STX8: variants seen among roughly 807,000 people sequenced by gnomAD.
STX8 encodes the protein syntaxin 8, also known as syntaxin-8.
A neutral mutation model predicts 37.5 loss-of-function variants in STX8; 23 were observed. That is an observed-to-expected ratio of 0.61 (90% CI 0.44 to 0.87). The LOEUF (loss-of-function observed/expected upper bound fraction) is 0.87. Ranked by LOEUF, STX8 falls within the 40% of genes least tolerant of loss-of-function variation. The pLI is 0.00. For missense variants in STX8, 313 were observed against 284.7 expected, an observed-to-expected ratio of 1.10 and a Z score of -0.71; for synonymous variants, 115 against 99.1, an observed-to-expected ratio of 1.16 and a Z score of -0.95.
At chr17:9,539,371 CTCTAGGAAGGGAGGCTCACCAGGT>C (rs1302325170) in intron 4 of STX8, among the ~76,000 whole-genome samples, 2 of 152,110 alleles carry the variant, frequency 1.3e-5, no homozygotes, top group African/African-American at 4.8e-5. Flanking sequence ...GAGGTAGGGG[CTCTAGGAAGGGAGGCTCACCAGGT>C]TCCAAGCGAG....
At chr17:9,286,360 T>C (rs925156465) in intron 7 of STX8, among the ~76,000 whole-genome samples, 1 of 152,240 alleles carries the variant, frequency 6.6e-6, no homozygotes, top group African/African-American at 2.4e-5. Flanking sequence ...ATTTTGGCTT[T>C]GGGAGACAAC....
At chr17:9,566,490 A>C (rs1458318464) in intron 2 of STX8, among the ~76,000 whole-genome samples, 1 of 152,204 alleles carries the variant, frequency 6.6e-6, no homozygotes, top group Non-Finnish European at 1.5e-5. Context: ...TTCTTCCATA[A>C]AGACACATGC....
At chr17:9,524,813 G>GT (rs11403311) in intron 4 of STX8, among the ~76,000 whole-genome samples, 65,416 of 145,052 alleles carry the variant, frequency 0.45, 14,811 homozygotes, top group South Asian at 0.67. Flanking sequence ...GTCTCACTCT[G>GT]TTTTTTTTTT....
At chr17:9,572,260 GC>G in intron 1 of STX8, among the ~76,000 whole-genome samples, 1 of 152,184 alleles carries the variant, frequency 6.6e-6, no homozygotes, top group Non-Finnish European at 1.5e-5. Flanking sequence ...CTGTTAAACA[GC>G]GAGCTTACCA....
intron 4 of STX8, among the ~76,000 whole-genome samples, chr17:9,506,982 CTG>C (rs1471936734): frequency 2.6e-5 from 4 of 151,966 alleles, no homozygotes; most frequent in Non-Finnish European, 5.9e-5. Flanking sequence ...TCGGGAATGG[CTG>C]TGACTCTGGT....
chr17:9,462,910 C>T (rs567166267), intron 6 of STX8, among the ~76,000 whole-genome samples: 6 of 152,294 alleles, frequency 3.9e-5, no homozygotes, highest in African/African-American at 1.4e-4. Flanking sequence ...AAGAAATGGA[C>T]TGGCCAAGGG....
Position 9,550,193 on chromosome 17 carries a change from C to G in STX8, c.213-4911G>C, listed in dbSNP as rs1353082331. Among the ~76,000 whole-genome samples the G allele has an allele frequency of 1.0e-3, 142 of 138,886 alleles. No homozygotes were observed. The Middle Eastern group carries it at 0.015, about 15-fold the overall frequency. 91.1% of individuals were successfully genotyped at this position (138,886 alleles called of 152,430 possible). ...GAGCCAAGATCGTGCCACTGCACTCCAGCCTGGGCAACAAAGTGAGACTCC... is the reference window on the plus strand; with the variant it reads ...GAGCCAAGATCGTGCCACTGCACTCGAGCCTGGGCAACAAAGTGAGACTCC... On this transcript the variant is annotated intron_variant, in intron 3 of 7. Coordinates refer to ENST00000306357, the MANE Select transcript of STX8 (RefSeq NM_004853.3).
intron 6 of STX8, among the ~76,000 whole-genome samples, chr17:9,400,443 C>A (rs991458345): frequency 3.6e-4 from 54 of 149,282 alleles, no homozygotes; most frequent in South Asian, 4.2e-4. Flanking sequence ...CTCGCGCTGT[C>A]ACGCAGGCTG....
chr17:9,253,587 G>A (rs1456785493), intron 7 of STX8, among the ~76,000 whole-genome samples: 1 of 152,112 alleles, frequency 6.6e-6, no homozygotes, highest in Non-Finnish European at 1.5e-5. Context: ...TGGCACTCCA[G>A]GGCCTGGGCT....
chr17:9,371,635 CT>C (rs11295188), intron 7 of STX8, among the ~76,000 whole-genome samples: 48,387 of 145,504 alleles, frequency 0.33, 9,627 homozygotes, highest in African/African-American at 0.59. Flanking sequence ...ATGGATTATG[CT>C]TTTTTTTTTT....
rs981806607 is a variant in STX8 at position 9,489,830 on chromosome 17, A to G, written c.541+1999T>C. 7.3e-5 allele frequency among the ~76,000 whole-genome samples: 11 copies of G among 151,686 alleles called. No homozygotes were observed. The East Asian group carries it at 2.1e-3, about 29-fold the overall frequency. On this transcript the variant is annotated intron_variant, in intron 6 of 7. Transcript: ENST00000306357. ...CAGCCTCCCGCGTAGCTGGGATTAC[A>G]CGCATACAACACCATGCCTGGCTAA...
chr17:9,307,898 A>C (rs924850255), intron 7 of STX8, among the ~76,000 whole-genome samples: 8 of 152,054 alleles, frequency 5.3e-5, no homozygotes, highest in African/African-American at 1.7e-4. Context: ...AAAACCTAGA[A>C]AGGTCACTCT....
At chr17:9,575,600 T>C (rs1011556479) in intron 1 of STX8, among the ~76,000 whole-genome samples, 192 bp downstream of exon 1, 4 of 152,182 alleles carry the variant, frequency 2.6e-5, no homozygotes, top group African/African-American at 4.8e-5. Flanking sequence ...CCTGGTCTCC[T>C]TCCCGGGCCA....
At chr17:9,263,652 T>A (rs1229877523) in intron 7 of STX8, among the ~76,000 whole-genome samples, 1 of 152,200 alleles carries the variant, frequency 6.6e-6, no homozygotes, top group Non-Finnish European at 1.5e-5. Context: ...TTTCAAAATT[T>A]TTGCTATGAA....
intron 7 of STX8, among the ~76,000 whole-genome samples, chr17:9,375,931 C>T (rs1911565374): frequency 1.3e-5 from 2 of 152,142 alleles, no homozygotes; most frequent in Non-Finnish European, 2.9e-5. Flanking sequence ...GGCTCTAGAG[C>T]TCACTCTCAT....
At chr17:9,422,289 T>G in intron 6 of STX8, among the ~76,000 whole-genome samples, 1 of 152,140 alleles carries the variant, frequency 6.6e-6, no homozygotes, top group East Asian at 1.9e-4. Context: ...ATTTTTTTAG[T>G]AGAGACAGGG....
chr17:9,563,152 C>CATCT (rs1555537847), intron 2 of STX8, among the ~76,000 whole-genome samples: 3 of 142,012 alleles, frequency 2.1e-5, no homozygotes, highest in Non-Finnish European at 4.6e-5. Flanking sequence ...TTCATTCATC[C>CATCT]ATTTATTTAT....
intron 2 of STX8, among the ~76,000 whole-genome samples, chr17:9,565,031 G>C (rs1907399525): frequency 6.6e-6 from 1 of 151,148 alleles, no homozygotes; most frequent in African/African-American, 2.4e-5. Context: ...AACATGACAA[G>C]AGCCCATCTC....
intron 7 of STX8, among the ~76,000 whole-genome samples, chr17:9,250,973 C>T (rs1427996451): frequency 1.3e-5 from 2 of 152,100 alleles, no homozygotes; most frequent in East Asian, 3.9e-4. Flanking sequence ...ACGACAGCCA[C>T]CCTCACTACC....
Sources: gnomAD v4.1 joint callset for allele counts (sites outside exome capture counted in the v4.1 genomes callset) on GRCh38, gnomAD v4.1.1 for gene constraint, MANE v1.5 for transcripts, NCBI Gene and HGNC (gene_info 2026-07-23, HGNC 2026-07-21) for gene names.